The following RIPK4 variants were observed in gnomAD, a reference collection of about 807,000 sequenced individuals.
RIPK4 encodes the protein receptor interacting serine/threonine kinase 4, also known as receptor-interacting serine/threonine-protein kinase 4.
RIPK4 carries 17 observed loss-of-function variants against 42.9 expected under a neutral mutation model. The ratio of observed to expected loss-of-function variants is 0.40; its 90% confidence interval spans 0.27 to 0.59. RIPK4 has a LOEUF of 0.59. RIPK4 is among the 20% of genes least tolerant of loss of function. The pLI, the probability that RIPK4 is intolerant of heterozygous loss-of-function variation, is 0.47. For synonymous variants in RIPK4, 498 were observed against 499.1 expected, an observed-to-expected ratio of 1.00 and a Z score of 0.03; for missense variants, 897 against 1,104.4, an observed-to-expected ratio of 0.81 and a Z score of 2.66.
rs755951528 is a variant in RIPK4 at position 41,745,775 on chromosome 21, G to C, written c.920C>G (p.Pro307Arg). ...ACTCGTTACCTCGCTCCTGGGCTCC[G>C]GGGGGCTTTTCACGTCCAGATCATG... is the stretch of plus-strand genomic sequence containing the variant. The part of the protein sequence containing the change: ...TAHDLDVKSP[P>R]EPRSEVVPAR... The change falls in exon 6 of 8, where the codon CCG (proline) becomes CGG (arginine). Residue 307 changes from proline to arginine, a missense_variant. By Grantham distance (103) the Pro-to-Arg change is moderately radical. Transcript: ENST00000332512. 3 of 1,613,404 alleles carry C rather than the reference G, an allele frequency of 1.9e-6. No individual in the cohort carries two copies. The South Asian group carries it at 3.3e-5, about 18-fold the overall frequency.
intron 1 of RIPK4, among the ~76,000 whole-genome samples, chr21:41,762,547 G>T (rs1328817345): frequency 6.6e-6 from 1 of 152,210 alleles, no homozygotes. Flanking sequence ...GGCGGCATTT[G>T]CAATTCAATA....
intron 1 of RIPK4, among the ~76,000 whole-genome samples, chr21:41,759,607 G>C (rs2061214825): frequency 6.6e-6 from 1 of 152,142 alleles, no homozygotes; most frequent in Non-Finnish European, 1.5e-5. Flanking sequence ...GCCACAGCAG[G>C]GGGCTCTTCT....
In RIPK4 at chr21:41,740,675, T is replaced by C. The variant is rs1254697200; in HGVS notation, c.*163A>G. 9 of 697,396 alleles carry C rather than the reference T, an allele frequency of 1.3e-5. No individual in the cohort carries two copies. Among genetic ancestry groups the C allele is most frequent in the Non-Finnish European group, 1.9e-5 (8 of 430,226 alleles). The allele number at this position is 697,396 out of a possible 1,614,324, so 43.2% of individuals were successfully genotyped here. On this transcript the variant is annotated 3_prime_UTR_variant, in exon 8 of 8. Transcript: ENST00000332512. ...AGCCAGCTTCACCTGGAGGGGACAC[T>C]CCGGTCAGCAGCAGCCGCCTCCTGA...
rs1189278574 is a variant in RIPK4 at position 41,751,959 on chromosome 21, G to A, written c.475-714C>T. On this transcript the variant is annotated intron_variant, in intron 2 of 7. Coordinates refer to ENST00000332512, the MANE Select transcript of RIPK4 (RefSeq NM_020639.3). This position sits in a 1 kb window ranked among gnomAD's most constrained non-coding sequence, Gnocchi z 4.5. ...CAGCTCCTCCAGGAATGCCCTCAAC[G>A]TCCGCATTCAGGGGAGGCAGGTCTC... Among the ~76,000 whole-genome samples, 1 of 152,086 alleles carries A rather than the reference G, an allele frequency of 6.6e-6. No homozygotes were observed. Among genetic ancestry groups the A allele is most frequent in the Non-Finnish European group, 1.5e-5 (1 of 68,012 alleles).
intron 4 of RIPK4, among the ~76,000 whole-genome samples, chr21:41,748,569 A>T (rs1031238404): frequency 6.6e-6 from 1 of 152,202 alleles, no homozygotes; most frequent in Non-Finnish European, 1.5e-5. Context: ...GCAGCTCTGG[A>T]GGTTGGCTGC....
chr21:41,751,964 C>T lies in RIPK4; in HGVS notation c.475-719G>A, dbSNP rs1264121843. 6.6e-6 allele frequency among the ~76,000 whole-genome samples: 1 copy of T among 152,132 alleles called. No homozygotes were observed. The highest frequency in any genetic ancestry group is 1.9e-4 in the East Asian group (1 of 5,170). On this transcript the variant is annotated intron_variant, in intron 2 of 7. Coordinates refer to ENST00000332512, the MANE Select transcript of RIPK4 (RefSeq NM_020639.3). This position sits in a 1 kb window ranked among gnomAD's most constrained non-coding sequence, Gnocchi z 4.5. The stretch of plus-strand genomic sequence containing the variant: ...CCTCCAGGAATGCCCTCAACGTCCG[C>T]ATTCAGGGGAGGCAGGTCTCAGGTC...
At chr21:41,754,005 A>T (rs2838115) in intron 2 of RIPK4, among the ~76,000 whole-genome samples, 116,609 of 152,196 alleles carry the variant, frequency 0.77, 44,998 homozygotes, top group African/African-American at 0.86. Flanking sequence ...TTTACATTTA[A>T]CTGCTTCATG....
intron 1 of RIPK4, among the ~76,000 whole-genome samples, chr21:41,764,495 G>A (rs1372374224): frequency 6.6e-6 from 1 of 152,108 alleles, no homozygotes; most frequent in Admixed American, 6.5e-5. Flanking sequence ...TTAGGCAGAA[G>A]GGGTACAGGG....
intron 1 of RIPK4, among the ~76,000 whole-genome samples, chr21:41,759,034 T>C (rs369744137): frequency 2.5e-4 from 38 of 152,354 alleles, no homozygotes; most frequent in African/African-American, 8.9e-4. Flanking sequence ...CTGGCTGGAA[T>C]GCTGGTTCCC....
At chr21:41,747,947 A>G (rs1421664606) in intron 4 of RIPK4, among the ~76,000 whole-genome samples, 4 of 152,232 alleles carry the variant, frequency 2.6e-5, no homozygotes, top group African/African-American at 7.2e-5. Flanking sequence ...TAGCGTTCCA[A>G]TAAGGGAACA....
At chr21:41,759,739 T>A (rs1209024903) in intron 1 of RIPK4, among the ~76,000 whole-genome samples, 1 of 152,158 alleles carries the variant, frequency 6.6e-6, no homozygotes, top group East Asian at 1.9e-4. Context: ...ACAGAACGCA[T>A]CCATTTCTTA....
rs1432984782 is a variant in RIPK4 at position 41,741,324 on chromosome 21, G to A, written c.1869C>T (p.Leu623=). ...CGTTGACGTCGGAGCACAGGTCGAT[G>A]AGGATGCGGGCCACGCGGTAGTGCC... ...QRGHYRVARI[L]IDLCSDVNVC... Residue 623 remains leucine, a synonymous_variant, in exon 8 of 8, where the codon CTC becomes CTT. Coordinates refer to ENST00000332512, the MANE Select transcript of RIPK4 (RefSeq NM_020639.3). 2.5e-6 allele frequency: 4 copies of A among 1,609,116 alleles called. No individual in the cohort carries two copies. The South Asian group carries it at 4.4e-5, about 18-fold the overall frequency.
chr21:41,746,256 C>T, intron 5 of RIPK4: 1 of 588,078 alleles, frequency 1.7e-6, no homozygotes, highest in Non-Finnish European at 3.1e-6. Context: ...AGGAAGTCAA[C>T]TCCTCAAGAG....
intron 1 of RIPK4, among the ~76,000 whole-genome samples, chr21:41,758,041 T>TATATATAG (rs1452050960): frequency 4.4e-4 from 26 of 58,486 alleles, no homozygotes; most frequent in African/African-American, 1.8e-3. Flanking sequence ...TATATATATA[T>TATATATAG]AGAGAGAGAG....
At chr21:41,756,870 T>C in intron 1 of RIPK4, 54 bp from the exon 2 acceptor site, 1 of 1,570,674 alleles carries the variant, frequency 6.4e-7, no homozygotes, top group Non-Finnish European at 8.6e-7. Context: ...GCCACAAACA[T>C]GGAACAGCAC....
At chr21:41,747,320 A>G (rs1601677663) in intron 4 of RIPK4, among the ~76,000 whole-genome samples, 1 of 152,152 alleles carries the variant, frequency 6.6e-6, no homozygotes, top group Non-Finnish European at 1.5e-5. Flanking sequence ...TTTCCCCTCA[A>G]TTCACCATGT....
intron 3 of RIPK4, among the ~76,000 whole-genome samples, 157 bp downstream of exon 3, chr21:41,750,940 A>G (rs2061186547): frequency 6.6e-6 from 1 of 152,182 alleles, no homozygotes; most frequent in South Asian, 2.1e-4. Flanking sequence ...GGCCTCCCGC[A>G]GTGCTGGGAT....
chr21:41,745,917 G>A (rs950498181), intron 5 of RIPK4, 55 bp from the exon 6 acceptor site: 14 of 1,378,732 alleles, frequency 1.0e-5, no homozygotes, highest in South Asian at 2.3e-5. Context: ...GCGTACACAC[G>A]CGTTCCATAT....
chr21:41,764,541 A>G (rs1205433164), intron 1 of RIPK4, among the ~76,000 whole-genome samples: 1 of 151,992 alleles, frequency 6.6e-6, no homozygotes, highest in Non-Finnish European at 1.5e-5. Context: ...GGAGAATCCT[A>G]TGCCCCAATT....
Sources: gnomAD v4.1 joint callset for allele counts (sites outside exome capture counted in the v4.1 genomes callset) on GRCh38, gnomAD v4.1.1 for gene constraint, Gnocchi (gnomAD v3.1) non-coding constraint, MANE v1.5 for transcripts, NCBI Gene and HGNC (gene_info 2026-07-23, HGNC 2026-07-21) for gene names.